The following PARD3 variants were observed in gnomAD, a reference collection of about 807,000 sequenced individuals.
PARD3 encodes par-3 family cell polarity regulator.
In PARD3, 75 loss-of-function variants were observed where a neutral mutation model predicts 155.4. The observed-to-expected ratio is 0.48, with a 90% CI of 0.40 to 0.58. PARD3 has a LOEUF of 0.58. PARD3 is among the 20% of genes least tolerant of loss of function. The pLI, the probability that PARD3 is intolerant of heterozygous loss-of-function variation, is 0.00. For synonymous variants in PARD3, 576 were observed against 610.5 expected (o/e 0.94, Z 0.83); for missense variants, 1,642 against 1,721.7 (o/e 0.95, Z 0.82).
intron 22 of PARD3, among the ~76,000 whole-genome samples, chr10:34,164,453 A>AT (rs769189985): frequency 7.9e-5 from 12 of 152,220 alleles, no homozygotes; most frequent in Non-Finnish European, 1.5e-4. Context: ...TAACAAATAT[A>AT]TTTTGTCACA....
At position 34,814,962 on chromosome 10, in the gene PARD3, C is replaced by T; in HGVS notation, c.34G>A (p.Val12Met). The change falls in exon 1 of 25, where the codon GTG becomes ATG. Residue 12 changes from valine to methionine, a missense_variant. By Grantham distance (21) the Val-to-Met change is conservative. Around this residue, in one of 3 missense-constraint regions of PARD3, gnomAD observed 75 missense variants for 65.3 expected, o/e 1.15. Transcript: ENST00000374788. Reference protein sequence around the residue: ...KVTVCFGRTRVVVPCGDGHMK... With the variant: ...KVTVCFGRTRMVVPCGDGHMK... ...TGGCCGTCCCCGCACGGCACGACCA[C>T]CCGGGTCCGTCCGAAGCACACGGTC... The T allele has an allele frequency of 6.4e-7, 1 of 1,557,900 alleles. No individual in the cohort carries two copies. Among genetic ancestry groups the T allele is most frequent in the Non-Finnish European group, 8.7e-7 (1 of 1,154,234 alleles).
chr10:34,768,546 G>A (rs1199822205), intron 1 of PARD3, among the ~76,000 whole-genome samples: 2 of 152,226 alleles, frequency 1.3e-5, no homozygotes, highest in African/African-American at 2.4e-5. Flanking sequence ...ATCTCTGTGA[G>A]CAGAGGGGTG....
At chr10:34,236,803 C>T (rs183655102) in intron 22 of PARD3, among the ~76,000 whole-genome samples, 13 of 152,144 alleles carry the variant, frequency 8.5e-5, no homozygotes, top group Non-Finnish European at 2.9e-5. Context: ...GTCTATTCTC[C>T]AATAAGTCTG....
chr10:34,510,837 T>C (rs1277833029), intron 3 of PARD3, among the ~76,000 whole-genome samples: 1 of 152,210 alleles, frequency 6.6e-6, no homozygotes. Flanking sequence ...TAATCATAAA[T>C]AACTCATTAC....
intron 22 of PARD3, among the ~76,000 whole-genome samples, chr10:34,191,160 A>G (rs1219033273): frequency 6.6e-6 from 1 of 151,990 alleles, no homozygotes. Flanking sequence ...CTACTGCATA[A>G]ACTCAGGTAA....
At chr10:34,273,355 T>C (rs1955720961) in intron 21 of PARD3, among the ~76,000 whole-genome samples, 2 of 152,170 alleles carry the variant, frequency 1.3e-5, no homozygotes, top group South Asian at 4.1e-4. Context: ...GAATCTGTCT[T>C]AAGGGCATCA....
intron 2 of PARD3, among the ~76,000 whole-genome samples, chr10:34,637,367 C>T: frequency 6.6e-6 from 1 of 152,190 alleles, no homozygotes; most frequent in Non-Finnish European, 1.5e-5. Context: ...CAAAGGCCTG[C>T]CACATATTTT....
intron 22 of PARD3, among the ~76,000 whole-genome samples, chr10:34,199,113 G>T (rs968064804): frequency 6.6e-6 from 1 of 152,078 alleles, no homozygotes; most frequent in South Asian, 2.1e-4. Flanking sequence ...ATAAGATGGA[G>T]CTCTGGCATC....
chr10:34,800,317 T>G (rs1449980059), intron 1 of PARD3, among the ~76,000 whole-genome samples: 1 of 152,002 alleles, frequency 6.6e-6, no homozygotes, highest in Non-Finnish European at 1.5e-5. Context: ...TTGATAATAA[T>G]GTTAATACTG....
chr10:34,207,322 C>T (rs1404563685), intron 22 of PARD3, among the ~76,000 whole-genome samples: 4 of 152,198 alleles, frequency 2.6e-5, no homozygotes, highest in Non-Finnish European at 5.9e-5. Context: ...AGCACAGCAG[C>T]AAGTGTTTTC....
intron 1 of PARD3, among the ~76,000 whole-genome samples, chr10:34,735,668 A>G (rs1310281785): frequency 6.6e-6 from 1 of 152,202 alleles, no homozygotes. Flanking sequence ...GATATATGCA[A>G]TGATTTATCT....
chr10:34,794,971 G>C (rs1842089874), intron 1 of PARD3, among the ~76,000 whole-genome samples: 1 of 152,278 alleles, frequency 6.6e-6, no homozygotes, highest in Admixed American at 6.5e-5. Flanking sequence ...AGTGGAGTCT[G>C]CATGCCCTGC....
chr10:34,286,157 GAATA>G (rs1202377661), intron 20 of PARD3, among the ~76,000 whole-genome samples: 2 of 152,106 alleles, frequency 1.3e-5, no homozygotes, highest in African/African-American at 4.8e-5. Flanking sequence ...CAGAATGAAT[GAATA>G]AATGAAAAAA....
Position 34,815,011 on chromosome 10 carries a change from G to A in PARD3, c.-16C>T. The A allele has an allele frequency of 4.8e-6, 7 of 1,445,652 alleles. No individual in the cohort carries two copies. Among genetic ancestry groups the A allele is most frequent in the Admixed American group, 2.5e-5 (1 of 40,000 alleles). The allele number at this position is 1,445,652 out of a possible 1,614,324, so 89.6% of individuals were successfully genotyped here. The stretch of plus-strand genomic sequence containing the variant: ...TCACTTTCATGCCGCCGCCGCCGCG[G>A]GCGGGCCCGCGCCCCTCGCCGAGCG... On this transcript the variant is annotated 5_prime_UTR_variant, in exon 1 of 25. Transcript: ENST00000374788.
At chr10:34,185,784 T>A (rs925558491) in intron 22 of PARD3, among the ~76,000 whole-genome samples, 1 of 149,554 alleles carries the variant, frequency 6.7e-6, no homozygotes, top group African/African-American at 2.4e-5. Context: ...CCAGGTAAAA[T>A]AATAAAACTG....
At chr10:34,349,527 AGAACAGTTTCTAAAAGAATGT>A (rs1387791348) in intron 14 of PARD3, among the ~76,000 whole-genome samples, 2 of 150,936 alleles carry the variant, frequency 1.3e-5, no homozygotes, top group Non-Finnish European at 2.9e-5. Context: ...AAGAAATAAA[AGAACAGTTTCTAAAAGAATGT>A]AATGCCTAAA....
At chr10:34,519,318 T>A (rs1052140275) in intron 2 of PARD3, among the ~76,000 whole-genome samples, 31 of 152,196 alleles carry the variant, frequency 2.0e-4, no homozygotes, top group Non-Finnish European at 3.2e-4. Context: ...TATGATTATG[T>A]AAAATGTTAA....
intron 22 of PARD3, among the ~76,000 whole-genome samples, chr10:34,147,177 T>G (rs1588928957): frequency 6.6e-6 from 1 of 152,054 alleles, no homozygotes; most frequent in East Asian, 1.9e-4. Flanking sequence ...GTTCTTTTGG[T>G]TTCTCACTAT....
intron 3 of PARD3, among the ~76,000 whole-genome samples, chr10:34,482,528 C>T (rs1482492086): frequency 6.6e-6 from 1 of 151,524 alleles, no homozygotes; most frequent in Non-Finnish European, 1.5e-5. Flanking sequence ...CAGCGACTGG[C>T]TCAGGACAGG....
Sources: allele counts gnomAD v4.1 joint callset (sites outside exome capture counted in the v4.1 genomes callset), GRCh38; gene constraint gnomAD v4.1.1; regional missense constraint gnomAD v4.1.1; transcripts MANE v1.5; gene names NCBI Gene and HGNC (gene_info 2026-07-23, HGNC 2026-07-21).